SULF1: variants seen among roughly 807,000 people sequenced by gnomAD.
SULF1 encodes extracellular sulfatase Sulf-1.
SULF1 carries 46 observed loss-of-function variants against 110.5 expected under a neutral mutation model. The observed-to-expected ratio is 0.42, with a 90% confidence interval of 0.33 to 0.53. The LOEUF (loss-of-function observed/expected upper bound fraction) is 0.53. Ranked by LOEUF, SULF1 falls within the 20% of genes least tolerant of loss-of-function variation. SULF1 has a pLI of 0.12. For synonymous variants in SULF1, 371 were observed against 387.1 expected, an observed-to-expected ratio of 0.96 and a Z score of 0.49; for missense variants, 941 against 1,094.2, an observed-to-expected ratio of 0.86 and a Z score of 1.98.
intron 3 of SULF1, among the ~76,000 whole-genome samples, chr8:69,526,798 AAAGG>A (rs5892198): frequency 0.26 from 29,301 of 112,086 alleles, 3,959 homozygotes; most frequent in Non-Finnish European, 0.32. Context: ...GTCAAGAAAG[AAAGG>A]AAGGAAGGAA....
intron 13 of SULF1, among the ~76,000 whole-genome samples, chr8:69,617,435 G>T (rs1046655241): frequency 8.5e-3 from 482 of 56,954 alleles, no homozygotes; most frequent in Middle Eastern, 0.023. Flanking sequence ...ATATATATAT[G>T]TTTTTTTTTT....
intron 9 of SULF1, 33 bp from the exon 10 acceptor site, chr8:69,601,621 T>C (rs2130393524): frequency 2.6e-6 from 4 of 1,566,198 alleles, no homozygotes; most frequent in Middle Eastern, 1.7e-4. Flanking sequence ...ACCAGCACAA[T>C]TGATTCTGAC....
At chr8:69,482,358 A>G (rs1809548104) in intron 1 of SULF1, among the ~76,000 whole-genome samples, 1 of 152,222 alleles carries the variant, frequency 6.6e-6, no homozygotes, top group Non-Finnish European at 1.5e-5. Flanking sequence ...TATACTTTTC[A>G]ACATGCCTTT....
Position 69,649,972 on chromosome 8 carries a change from C to CTTTTTTTT in SULF1, c.2586-8503_2586-8496dup, listed in dbSNP as rs536073966. Among the ~76,000 whole-genome samples the CTTTTTTTT allele has an allele frequency of 5.6e-3, 172 of 30,588 alleles. 80 individuals carry two copies. The highest frequency in any genetic ancestry group is 8.6e-3 in the Non-Finnish European group (131 of 15,148). 20.1% of individuals were successfully genotyped at this position (30,588 alleles called of 152,430 possible). A position where few individuals can be genotyped will look rare whatever the true frequency, so the allele number is the denominator to read the frequency against. The stretch of plus-strand genomic sequence containing the variant: ...CCCACTCTGTAATTCCTCCTGCTTG[C>CTTTTTTTT]TTTTTTTTTTTTTTTTTTTTTTTTT... On this transcript the variant is annotated intron_variant, in intron 22 of 22. Coordinates refer to ENST00000402687, the MANE Select transcript of SULF1 (RefSeq NM_001128205.2).
At chr8:69,594,057 T>A (rs1807103490) in intron 8 of SULF1, among the ~76,000 whole-genome samples, 1 of 149,026 alleles carries the variant, frequency 6.7e-6, no homozygotes, top group Non-Finnish European at 1.5e-5. Flanking sequence ...TTATTCCAAT[T>A]TTTTTTTTTT....
intron 3 of SULF1, among the ~76,000 whole-genome samples, chr8:69,545,772 C>T (rs563467636): frequency 3.9e-5 from 6 of 152,200 alleles, no homozygotes; most frequent in Non-Finnish European, 8.8e-5. Flanking sequence ...TCTTGGCTCA[C>T]TGCAACCTCC....
At chr8:69,570,109 A>T (rs1805118118) in intron 5 of SULF1, among the ~76,000 whole-genome samples, 1 of 152,194 alleles carries the variant, frequency 6.6e-6, no homozygotes, top group African/African-American at 2.4e-5. Flanking sequence ...TATTTAAAGC[A>T]TTAGCCTTAC....
intron 1 of SULF1, among the ~76,000 whole-genome samples, chr8:69,475,656 C>A (rs753231625): frequency 6.6e-6 from 1 of 152,076 alleles, no homozygotes; most frequent in East Asian, 1.9e-4. Flanking sequence ...TGACAATGGT[C>A]ATTATGGAAC....
intron 22 of SULF1, among the ~76,000 whole-genome samples, chr8:69,650,734 G>A (rs1483770896): frequency 6.6e-6 from 1 of 152,182 alleles, no homozygotes; most frequent in African/African-American, 2.4e-5. Flanking sequence ...TGATTAAAGT[G>A]TCTTAGATTG....
At chr8:69,574,726 A>T (rs111796582) in intron 5 of SULF1, among the ~76,000 whole-genome samples, 1 of 152,236 alleles carries the variant, frequency 6.6e-6, no homozygotes, top group Non-Finnish European at 1.5e-5. Flanking sequence ...CATGTTATTC[A>T]TTGACTACAA....
At chr8:69,492,582 C>A (rs533835242), upstream of SULF1, among the ~76,000 whole-genome samples, 1,171 of 152,276 alleles carry the variant, frequency 7.7e-3, 9 homozygotes, top group South Asian at 0.024. Context: ...GCCTGGAAAC[C>A]CTGAGCCCCT....
chr8:69,633,190 G>A (rs1194923520), intron 19 of SULF1, among the ~76,000 whole-genome samples: 1 of 152,110 alleles, frequency 6.6e-6, no homozygotes, highest in Non-Finnish European at 1.5e-5. Flanking sequence ...AAATCTCAGT[G>A]TCCCACTTAA....
chr8:69,517,227 T>C (rs1451696702), intron 3 of SULF1, among the ~76,000 whole-genome samples: 1 of 152,116 alleles, frequency 6.6e-6, no homozygotes, highest in East Asian at 1.9e-4. Context: ...AGGAGCCCAC[T>C]CTCATGATAG....
intron 3 of SULF1, among the ~76,000 whole-genome samples, chr8:69,512,442 A>G (rs1811628183): frequency 6.6e-6 from 1 of 152,214 alleles, no homozygotes; most frequent in African/African-American, 2.4e-5. Flanking sequence ...GACCATCGGT[A>G]TGAGGAAAGA....
At position 69,543,202 on chromosome 8, in the gene SULF1, TTTG is replaced by T. The variant is rs376602825; in HGVS notation, c.-133-20319_-133-20317del. ...TATAAATTAAGCCCCTGGTTTTGTT[TTTG>T]TTGTTGTTGTTGTTGTTTATTTCTT... is the stretch of plus-strand genomic sequence containing the variant. On this transcript the variant is annotated intron_variant, in intron 3 of 22. Transcript: ENST00000402687. Among the ~76,000 whole-genome samples, 358 of 152,170 alleles carry T rather than the reference TTTG, an allele frequency of 2.4e-3. 1 individual carries two copies. Among genetic ancestry groups the T allele is most frequent in the African/African-American group, 7.9e-3 (327 of 41,484 alleles).
chr8:69,590,040 C>T (rs1806778110), intron 8 of SULF1, among the ~76,000 whole-genome samples: 1 of 152,200 alleles, frequency 6.6e-6, no homozygotes, highest in African/African-American at 2.4e-5. Context: ...AATATCATCT[C>T]TTTTCATCCA....
At chr8:69,475,856 C>T (rs918824548) in intron 1 of SULF1, among the ~76,000 whole-genome samples, 2 of 152,048 alleles carry the variant, frequency 1.3e-5, no homozygotes, top group Admixed American at 6.6e-5. Flanking sequence ...AGACAGAATA[C>T]ACAACTGTGA....
At chr8:69,521,967 G>A (rs1812334834) in intron 3 of SULF1, among the ~76,000 whole-genome samples, 1 of 151,734 alleles carries the variant, frequency 6.6e-6, no homozygotes, top group African/African-American at 2.4e-5. Context: ...AGAGCCAACA[G>A]TATTGCCTAA....
intron 3 of SULF1, among the ~76,000 whole-genome samples, chr8:69,531,767 C>T (rs999394351): frequency 6.6e-6 from 1 of 152,146 alleles, no homozygotes; most frequent in Non-Finnish European, 1.5e-5. Context: ...ACATTATAAT[C>T]GATGCTGCTT....
Sources: gnomAD v4.1 joint callset for allele counts (sites outside exome capture counted in the v4.1 genomes callset) on GRCh38, gnomAD v4.1.1 for gene constraint, MANE v1.5 for transcripts, NCBI Gene and HGNC (gene_info 2026-07-23, HGNC 2026-07-21) for gene names.